The following ATXN7L1 variants were observed in gnomAD, a reference collection of about 807,000 sequenced individuals.
The protein encoded by ATXN7L1 is ataxin 7 like 1.
A neutral mutation model predicts 70.8 loss-of-function variants in ATXN7L1; 15 were observed. The observed-to-expected ratio is 0.21, with a 90% CI of 0.14 to 0.33. The LOEUF is 0.33. Ranked by LOEUF, ATXN7L1 falls within the 10% of genes least tolerant of loss-of-function variation. The pLI, the probability that ATXN7L1 is intolerant of heterozygous loss-of-function variation, is 1.00. For missense variants in ATXN7L1, 975 were observed against 1,097.1 expected (o/e 0.89, Z 1.57); for synonymous variants, 440 against 445.1 (o/e 0.99, Z 0.14).
chr7:105,724,611 G>A (rs1412417757), intron 3 of ATXN7L1, among the ~76,000 whole-genome samples: 6 of 147,938 alleles, frequency 4.1e-5, no homozygotes, highest in East Asian at 4.0e-4. Context: ...AAAGGAGGCC[G>A]GGCGTGGTGG....
chr7:105,608,859 T>C (rs1250850601), intron 11 of ATXN7L1, among the ~76,000 whole-genome samples: 1 of 152,102 alleles, frequency 6.6e-6, no homozygotes, highest in African/African-American at 2.4e-5. Context: ...AAACATGCGG[T>C]ACATCTCAGG....
chr7:105,829,601 C>A lies in ATXN7L1; in HGVS notation c.251-40893G>T, dbSNP rs184677467. On this transcript the variant is annotated intron_variant, in intron 2 of 11. Transcript: ENST00000419735. Reference sequence around the variant, plus strand: ...ACGTAATTAACAGCTACAAAACACCCACAAATATACACTCATTGAGAAGAT... The same window carrying A: ...ACGTAATTAACAGCTACAAAACACCAACAAATATACACTCATTGAGAAGAT... Among the ~76,000 whole-genome samples the A allele has an allele frequency of 2.0e-4, 30 of 152,008 alleles. No individual in the cohort carries two copies. In the East Asian group the frequency reaches 5.6e-3, roughly 29 times the overall value.
chr7:105,667,036 C>T (rs1336225441), intron 3 of ATXN7L1, among the ~76,000 whole-genome samples: 1 of 152,250 alleles, frequency 6.6e-6, no homozygotes, highest in African/African-American at 2.4e-5. Flanking sequence ...TCCTTCCCTT[C>T]TCATCTCTCA....
chr7:105,800,897 T>A (rs1370818684), intron 2 of ATXN7L1, among the ~76,000 whole-genome samples: 1 of 152,202 alleles, frequency 6.6e-6, no homozygotes, highest in African/African-American at 2.4e-5. Flanking sequence ...TTAGCCTGAA[T>A]TCGCTAAGTA....
intron 2 of ATXN7L1, among the ~76,000 whole-genome samples, chr7:105,795,218 TC>T (rs1805815362): frequency 6.6e-6 from 1 of 152,206 alleles, no homozygotes; most frequent in African/African-American, 2.4e-5. Context: ...CTAACTGACT[TC>T]CCAGTGTAGT....
intron 2 of ATXN7L1, among the ~76,000 whole-genome samples, chr7:105,794,987 C>G (rs181802108): frequency 2.2e-4 from 33 of 150,692 alleles, no homozygotes; most frequent in Admixed American, 2.0e-3. Flanking sequence ...ATGGCAGAGT[C>G]CATCACATTC....
At chr7:105,828,098 G>C (rs1441474417) in intron 2 of ATXN7L1, among the ~76,000 whole-genome samples, 5 of 151,608 alleles carry the variant, frequency 3.3e-5, no homozygotes, top group South Asian at 2.1e-4. Flanking sequence ...GAAAACCAAG[G>C]CACAAAAAAA....
chr7:105,836,935 G>A (rs1458604426), intron 2 of ATXN7L1, among the ~76,000 whole-genome samples: 1 of 152,124 alleles, frequency 6.6e-6, no homozygotes, highest in Non-Finnish European at 1.5e-5. Context: ...GTGTGTGCCT[G>A]TAATCCCAGC....
At chr7:105,728,266 C>A (rs957599895) in intron 3 of ATXN7L1, among the ~76,000 whole-genome samples, 5 of 152,206 alleles carry the variant, frequency 3.3e-5, no homozygotes, top group Admixed American at 6.5e-5. Context: ...AGACTAAAGG[C>A]AAAAGTGAAT....
chr7:105,843,509 G>A (rs1403985452), intron 2 of ATXN7L1, among the ~76,000 whole-genome samples: 1 of 152,232 alleles, frequency 6.6e-6, no homozygotes, highest in Non-Finnish European at 1.5e-5. Context: ...ACCCTCCTGT[G>A]GTACAGGGGC....
chr7:105,852,216 G>A (rs1411919426), intron 2 of ATXN7L1, among the ~76,000 whole-genome samples: 2 of 152,108 alleles, frequency 1.3e-5, no homozygotes, highest in Non-Finnish European at 2.9e-5. Flanking sequence ...ACTACTGGCA[G>A]GGACCTTACA....
At chr7:105,772,113 G>A (rs140654430) in intron 3 of ATXN7L1, among the ~76,000 whole-genome samples, 15 of 117,966 alleles carry the variant, frequency 1.3e-4, no homozygotes, top group African/African-American at 4.4e-4. Context: ...TCGCTCTGTC[G>A]CCCAGGCTGA....
chr7:105,764,725 G>A (rs997063940), intron 3 of ATXN7L1, among the ~76,000 whole-genome samples: 4 of 152,144 alleles, frequency 2.6e-5, no homozygotes, highest in African/African-American at 9.7e-5. Context: ...GGAATCTGAA[G>A]ACATAATCCA....
chr7:105,618,142 G>A (rs1283867051), intron 9 of ATXN7L1: 1 of 447,216 alleles, frequency 2.2e-6, no homozygotes. Context: ...AGGACACCAG[G>A]GAGTGAAATA....
rs78705289 is a variant in ATXN7L1, at chr7:105,795,602, A to G, written c.251-6894T>C. Reference sequence around the variant, plus strand: ...TCAAATGATGAAAACCTTAAGAGAGACTAAATAAGGCTTGATTCCTCCCTT... The same window carrying G: ...TCAAATGATGAAAACCTTAAGAGAGGCTAAATAAGGCTTGATTCCTCCCTT... On this transcript the variant is annotated intron_variant, in intron 2 of 11. Coordinates refer to ENST00000419735, the MANE Select transcript of ATXN7L1 (RefSeq NM_020725.2). Among the ~76,000 whole-genome samples, 701 of 152,266 alleles carry G rather than the reference A, an allele frequency of 4.6e-3. 4 individuals are homozygous for G. Among genetic ancestry groups the G allele is most frequent in the Non-Finnish European group, 7.3e-3 (497 of 68,012 alleles).
chr7:105,760,355 A>T (rs1272460927), intron 3 of ATXN7L1: 5 of 923,422 alleles, frequency 5.4e-6, no homozygotes, highest in Non-Finnish European at 6.5e-6. Flanking sequence ...CCATTATTTT[A>T]TATATGAGGA....
chr7:105,748,923 G>C (rs1053181692), intron 3 of ATXN7L1, among the ~76,000 whole-genome samples: 1 of 152,224 alleles, frequency 6.6e-6, no homozygotes, highest in Non-Finnish European at 1.5e-5. Context: ...AGCTTTCAGA[G>C]TGTTTGGGGG....
chr7:105,612,389 C>G (rs1311421791), intron 10 of ATXN7L1, among the ~76,000 whole-genome samples: 4 of 152,218 alleles, frequency 2.6e-5, no homozygotes, highest in African/African-American at 9.6e-5. Flanking sequence ...TGAGATACCA[C>G]GGCCTTGCTG....
At chr7:105,800,742 A>T (rs1806693012) in intron 2 of ATXN7L1, among the ~76,000 whole-genome samples, 1 of 152,220 alleles carries the variant, frequency 6.6e-6, no homozygotes, top group Non-Finnish European at 1.5e-5. Flanking sequence ...AAGCCACAGA[A>T]CATCTCTGGA....
Sources: allele counts gnomAD v4.1 joint callset (sites outside exome capture counted in the v4.1 genomes callset), GRCh38; gene constraint gnomAD v4.1.1; transcripts MANE v1.5; gene names NCBI Gene and HGNC (gene_info 2026-07-23, HGNC 2026-07-21).